Variants in MAGI1 observed in about 807,000 individuals in gnomAD.
The protein encoded by MAGI1 is membrane associated guanylate kinase, WW and PDZ domain containing 1.
Under a neutral mutation model 139.9 loss-of-function variants are expected in MAGI1, and 58 were observed. That is an observed-to-expected ratio of 0.41 (90% CI 0.34 to 0.52). The LOEUF is 0.52. Among genes scored for constraint, MAGI1 ranks in the 20% least tolerant of loss-of-function variants. The probability of loss-of-function intolerance (pLI) is 0.12; values close to 1 mark genes in which losing one functional copy is unlikely to be tolerated. For missense variants in MAGI1, 1,874 were observed against 1,901.6 expected (o/e 0.99, Z 0.27); for synonymous variants, 812 against 737.9 (o/e 1.10, Z -1.63).
At chr3:65,551,554 C>A (rs191605808) in intron 2 of MAGI1, among the ~76,000 whole-genome samples, 2 of 152,318 alleles carry the variant, frequency 1.3e-5, no homozygotes, top group African/African-American at 2.4e-5. Context: ...CCCGCCTCGG[C>A]CTCCCAAAGT....
At chr3:65,909,326 A>C (rs2061564573) in intron 1 of MAGI1, among the ~76,000 whole-genome samples, 1 of 151,488 alleles carries the variant, frequency 6.6e-6, no homozygotes, top group South Asian at 2.1e-4. Flanking sequence ...GGAGTTCAAG[A>C]TCAGCCTGCA....
chr3:65,805,637 G>A (rs56080410), intron 1 of MAGI1, among the ~76,000 whole-genome samples: 13,384 of 152,162 alleles, frequency 0.088, 829 homozygotes, highest in Admixed American at 0.2. Flanking sequence ...GTACATGCAC[G>A]TGTATGTTCA....
In MAGI1 at chr3:65,796,491, T is replaced by C. The variant is rs961959216; in HGVS notation, c.314-174403A>G. ...GTTTCATCTCTTTTCTGCTGGGCTT[T>C]TGGTCACTAAGCAGAAAATATGAGG... On this transcript the variant is annotated intron_variant, in intron 1 of 22. Coordinates refer to ENST00000402939, the MANE Select transcript of MAGI1 (RefSeq NM_001033057.2). Among the ~76,000 whole-genome samples, 4 of 152,166 alleles carry C rather than the reference T, an allele frequency of 2.6e-5. No individual in the cohort carries two copies. In the South Asian group the frequency reaches 8.3e-4, roughly 32 times the overall value.
Position 65,491,942 on chromosome 3 carries a change from G to A in MAGI1, c.550+1570C>T, listed in dbSNP as rs187328306. Among the ~76,000 whole-genome samples the A allele has an allele frequency of 1.3e-4, 20 of 152,228 alleles. No homozygotes were observed. The East Asian group carries it at 1.5e-3, about 12-fold the overall frequency. ...ATGTACAAAGACAATGCTCCTTCCC[G>A]TCTTCTCCAAAGAACATCAAACCAG... On this transcript the variant is annotated intron_variant, in intron 3 of 22. Coordinates refer to ENST00000402939, the MANE Select transcript of MAGI1 (RefSeq NM_001033057.2).
At chr3:65,682,108 G>C (rs1559782330) in intron 1 of MAGI1, among the ~76,000 whole-genome samples, 3 of 152,178 alleles carry the variant, frequency 2.0e-5, no homozygotes, top group East Asian at 3.9e-4. Context: ...AAATTCCCTG[G>C]AAAAGGGGAA....
At chr3:65,564,213 C>T (rs1425593382) in intron 2 of MAGI1, among the ~76,000 whole-genome samples, 1 of 152,038 alleles carries the variant, frequency 6.6e-6, no homozygotes, top group African/African-American at 2.4e-5. Flanking sequence ...TGGACCAGCT[C>T]CCCTGCCTTA....
At chr3:65,433,869 C>T (rs142183860) in intron 10 of MAGI1, among the ~76,000 whole-genome samples, 2 of 152,148 alleles carry the variant, frequency 1.3e-5, no homozygotes, top group East Asian at 1.9e-4. Flanking sequence ...TGGCACTTTC[C>T]GTGATGATGG....
chr3:65,578,951 G>A (rs750349767), intron 2 of MAGI1, among the ~76,000 whole-genome samples: 10 of 151,396 alleles, frequency 6.6e-5, no homozygotes, highest in Non-Finnish European at 1.3e-4. Flanking sequence ...GAGAGACAGA[G>A]AGAGAGAGAG....
At chr3:65,414,650 T>A (rs1171170792) in intron 12 of MAGI1, among the ~76,000 whole-genome samples, 1 of 152,136 alleles carries the variant, frequency 6.6e-6, no homozygotes, top group Non-Finnish European at 1.5e-5. Flanking sequence ...AACATAGAAC[T>A]GAGCAATTGA....
intron 1 of MAGI1, among the ~76,000 whole-genome samples, chr3:65,635,156 C>A (rs563766947): frequency 7.6e-4 from 116 of 152,214 alleles, no homozygotes; most frequent in African/African-American, 2.7e-3. Context: ...CCTCCACCTC[C>A]CAGGTCCAGG....
chr3:65,563,033 C>T (rs2080435583), intron 2 of MAGI1, among the ~76,000 whole-genome samples: 1 of 152,146 alleles, frequency 6.6e-6, no homozygotes, highest in Admixed American at 6.5e-5. Flanking sequence ...AACACACTTG[C>T]AAACCAATTT....
intron 1 of MAGI1, among the ~76,000 whole-genome samples, chr3:65,881,826 G>T (rs2060341494): frequency 1.3e-5 from 2 of 152,132 alleles, no homozygotes; most frequent in Admixed American, 1.3e-4. Flanking sequence ...AGGAGAGGAA[G>T]CCCTTAAATT....
intron 2 of MAGI1, among the ~76,000 whole-genome samples, chr3:65,619,316 G>A (rs970298254): frequency 2.6e-5 from 4 of 152,266 alleles, no homozygotes; most frequent in East Asian, 1.9e-4. Context: ...AAACTGAGCC[G>A]TAAGTGGTAA....
chr3:65,675,348 A>T (rs1308074977), intron 1 of MAGI1, among the ~76,000 whole-genome samples: 1 of 152,216 alleles, frequency 6.6e-6, no homozygotes, highest in Non-Finnish European at 1.5e-5. Context: ...GAATAAATCA[A>T]TTTGGAAAGC....
intron 17 of MAGI1, among the ~76,000 whole-genome samples, chr3:65,377,354 T>A (rs1942634036): frequency 6.6e-6 from 1 of 152,214 alleles, no homozygotes; most frequent in Non-Finnish European, 1.5e-5. Flanking sequence ...AACAAAGGTA[T>A]CGAACAGCAG....
rs947695491 is a variant in MAGI1 at position 65,633,139 on chromosome 3, G to A, written c.314-11051C>T. Among the ~76,000 whole-genome samples, 5 of 152,198 alleles carry A rather than the reference G, an allele frequency of 3.3e-5. No individual in the cohort carries two copies. The South Asian group carries it at 6.2e-4, about 19-fold the overall frequency. The stretch of plus-strand genomic sequence containing the variant: ...CCAATGGTCTCAGCCACATCAAAAC[G>A]TCCTAATGAAATATGGGGAGCTAGG... On this transcript the variant is annotated intron_variant, in intron 1 of 22. Transcript: ENST00000402939.
chr3:65,420,059 G>A (rs1200039280), intron 12 of MAGI1, among the ~76,000 whole-genome samples: 1 of 152,016 alleles, frequency 6.6e-6, no homozygotes, highest in African/African-American at 2.4e-5. Context: ...TACTGCAAAA[G>A]CCCTCACAGG....
chr3:65,366,939 C>A (rs1465872279), intron 18 of MAGI1, among the ~76,000 whole-genome samples: 1 of 152,166 alleles, frequency 6.6e-6, no homozygotes, highest in Non-Finnish European at 1.5e-5. Flanking sequence ...GGGCAGTTAA[C>A]CAGCAGAACC....
chr3:65,900,342 T>C (rs1335530363), intron 1 of MAGI1, among the ~76,000 whole-genome samples: 1 of 152,198 alleles, frequency 6.6e-6, no homozygotes, highest in South Asian at 2.1e-4. Flanking sequence ...ATGAACATGA[T>C]GTGTAAGAGG....
Sources: gnomAD v4.1 joint callset for allele counts (sites outside exome capture counted in the v4.1 genomes callset) on GRCh38, gnomAD v4.1.1 for gene constraint, MANE v1.5 for transcripts, NCBI Gene and HGNC (gene_info 2026-07-23, HGNC 2026-07-21) for gene names.